Variants in HOMER2 observed in about 807,000 individuals in gnomAD.
HOMER2 encodes homer protein homolog 2.
Under a neutral mutation model 47.0 loss-of-function variants are expected in HOMER2, and 27 were observed. The observed-to-expected ratio is 0.57, with a 90% CI of 0.42 to 0.79. The LOEUF (loss-of-function observed/expected upper bound fraction) is 0.79, where lower values mean the gene tolerates loss of function less well. HOMER2 is among the 30% of genes least tolerant of loss of function. HOMER2 has a pLI of 0.00. For synonymous variants in HOMER2, 161 were observed against 163.8 expected (o/e 0.98, Z 0.13); for missense variants, 443 against 435.0 (o/e 1.02, Z -0.16).
At chr15:82,965,874 C>A (rs1458115339) in intron 1 of HOMER2, among the ~76,000 whole-genome samples, 2 of 151,524 alleles carry the variant, frequency 1.3e-5, no homozygotes, top group African/African-American at 4.9e-5. Flanking sequence ...ATGGGAGGAT[C>A]GCTTGAGCCC....
chr15:82,848,730 GAGA>G (rs1359316112), downstream of HOMER2, among the ~76,000 whole-genome samples: 1 of 152,210 alleles, frequency 6.6e-6, no homozygotes, highest in Non-Finnish European at 1.5e-5. Flanking sequence ...ATTCCTAGGG[GAGA>G]AGGTGATTCG....
chr15:82,876,069 C>T (rs929913307), intron 2 of HOMER2, among the ~76,000 whole-genome samples: 8 of 152,244 alleles, frequency 5.3e-5, no homozygotes, highest in Non-Finnish European at 1.0e-4. Context: ...GGAGGGGTCA[C>T]GTAGAGCAAG....
intron 1 of HOMER2, among the ~76,000 whole-genome samples, chr15:82,964,620 A>G (rs1376430113): frequency 6.6e-6 from 1 of 152,052 alleles, no homozygotes; most frequent in Non-Finnish European, 1.5e-5. Context: ...ATGAAAATTA[A>G]CCGGGCGCAG....
At chr15:82,924,303 T>C (rs527694360) in intron 1 of HOMER2, among the ~76,000 whole-genome samples, 5 of 152,088 alleles carry the variant, frequency 3.3e-5, no homozygotes, top group Non-Finnish European at 7.4e-5. Context: ...GCTTGACTTT[T>C]AGTAAAATGA....
Position 82,849,530 on chromosome 15 carries a change from A to G in HOMER2, c.*185T>C. 1 of 590,818 alleles carries G rather than the reference A, an allele frequency of 1.7e-6. No homozygotes were observed. Among genetic ancestry groups the G allele is most frequent in the South Asian group, 2.2e-5 (1 of 44,702 alleles). 36.6% of individuals were successfully genotyped at this position (590,818 alleles called of 1,614,324 possible). ...TCTTCCAGTTGTCCACAACCTCACA[A>G]GGCCAGAGAAGCGAGAGGAGATTTC... On this transcript the variant is annotated 3_prime_UTR_variant, in exon 9 of 9. Transcript: ENST00000450735.
chr15:82,836,942 T>G (rs1412338236), downstream of HOMER2: 1 of 152,276 alleles, frequency 6.6e-6, no homozygotes, highest in East Asian at 1.9e-4. Flanking sequence ...ACCACAAAAG[T>G]AGCTGCTTAA....
chr15:82,847,313 G>C (rs2051266513), downstream of HOMER2: 1 of 152,286 alleles, frequency 6.6e-6, no homozygotes, highest in African/African-American at 2.4e-5. Context: ...GGAATGGAAA[G>C]TTCAGTGCTT....
At chr15:82,904,093 C>T (rs2053216009) in intron 1 of HOMER2, among the ~76,000 whole-genome samples, 1 of 152,134 alleles carries the variant, frequency 6.6e-6, no homozygotes, top group African/African-American at 2.4e-5. Context: ...GCCAAGATCA[C>T]ACCACTGCAC....
chr15:82,928,297 G>A (rs2053907557), intron 1 of HOMER2, among the ~76,000 whole-genome samples: 2 of 152,100 alleles, frequency 1.3e-5, no homozygotes, highest in South Asian at 4.1e-4. Context: ...ACAAAACATT[G>A]GAAGCCTTTA....
chr15:82,893,512 T>C (rs1163839502), intron 1 of HOMER2, among the ~76,000 whole-genome samples: 1 of 151,962 alleles, frequency 6.6e-6, no homozygotes, highest in African/African-American at 2.4e-5. Flanking sequence ...TTTGTATTTA[T>C]AGTAGAGACG....
At chr15:82,860,366 A>G (rs551053928) in intron 4 of HOMER2, among the ~76,000 whole-genome samples, 3 of 151,894 alleles carry the variant, frequency 2.0e-5, no homozygotes, top group Non-Finnish European at 4.4e-5. Flanking sequence ...GCTTTAAAAT[A>G]TGGTGGGGGG....
At chr15:82,964,303 T>C (rs1006497335) in intron 1 of HOMER2, among the ~76,000 whole-genome samples, 1 of 152,168 alleles carries the variant, frequency 6.6e-6, no homozygotes, top group African/African-American at 2.4e-5. Context: ...AATTGTATCA[T>C]CACCACTCCC....
chr15:82,917,436 C>T (rs1433033993), intron 1 of HOMER2, among the ~76,000 whole-genome samples: 1 of 152,184 alleles, frequency 6.6e-6, no homozygotes, highest in Non-Finnish European at 1.5e-5. Context: ...AGCACAGGCA[C>T]CTGTCCCTCC....
chr15:82,862,271 TA>T (rs1293475543), intron 4 of HOMER2, among the ~76,000 whole-genome samples: 12 of 152,198 alleles, frequency 7.9e-5, no homozygotes, highest in African/African-American at 2.9e-4. Flanking sequence ...TGCTAAAGAT[TA>T]GAAACAAAAA....
chr15:82,858,787 A>C (rs143295864), intron 5 of HOMER2, among the ~76,000 whole-genome samples: 107 of 151,910 alleles, frequency 7.0e-4, no homozygotes, highest in African/African-American at 2.1e-3. Flanking sequence ...TACTCACAAT[A>C]TCTCTCTCTC....
At chr15:82,854,860 G>C in intron 5 of HOMER2, 60 bp from the exon 6 acceptor site, 1 of 1,561,894 alleles carries the variant, frequency 6.4e-7, no homozygotes, top group South Asian at 1.1e-5. Context: ...GGCTCCGCCC[G>C]CGTGGGGAAG....
intron 1 of HOMER2, among the ~76,000 whole-genome samples, chr15:82,959,831 G>A (rs184684249): frequency 1.1e-4 from 16 of 152,302 alleles, no homozygotes; most frequent in Admixed American, 9.8e-4. Context: ...CAGCTCACTG[G>A]CTGGGCTTGT....
chr15:82,973,872 C>A (rs760857098), intron 1 of HOMER2, among the ~76,000 whole-genome samples: 5 of 151,898 alleles, frequency 3.3e-5, no homozygotes, highest in Non-Finnish European at 1.5e-5. Flanking sequence ...TCAAGACCAG[C>A]GTGGTCAACA....
At chr15:82,982,844 C>G (rs1464813701) in intron 1 of HOMER2, among the ~76,000 whole-genome samples, 1 of 152,108 alleles carries the variant, frequency 6.6e-6, no homozygotes, top group Non-Finnish European at 1.5e-5. Flanking sequence ...TCACACTGCC[C>G]CTCTTCAAGT....
Sources: allele counts gnomAD v4.1 joint callset (sites outside exome capture counted in the v4.1 genomes callset), GRCh38; gene constraint gnomAD v4.1.1; transcripts MANE v1.5; gene names NCBI Gene and HGNC (gene_info 2026-07-23, HGNC 2026-07-21).